The following SLC39A11 variants were observed in gnomAD, a reference collection of about 807,000 sequenced individuals.
SLC39A11 encodes the protein solute carrier family 39 member 11, also known as zinc transporter ZIP11.
In SLC39A11, 33 loss-of-function variants were observed where a neutral mutation model predicts 36.1. The ratio of observed to expected loss-of-function variants is 0.91; its 90% confidence interval spans 0.69 to 1.22. SLC39A11 has a LOEUF of 1.22. SLC39A11 is among the 50% of genes most tolerant of loss of function. The pLI, the probability that SLC39A11 is intolerant of heterozygous loss-of-function variation, is 0.00. For missense variants in SLC39A11, 432 were observed against 430.3 expected (o/e 1.00, Z -0.03); for synonymous variants, 166 against 170.3 (o/e 0.97, Z 0.20).
In SLC39A11 at chr17:72,883,709, G is replaced by C. The variant is rs533688942; in HGVS notation, c.431-33905C>G. Among the ~76,000 whole-genome samples the C allele has an allele frequency of 1.2e-3, 180 of 152,286 alleles. 1 individual carries two copies. Among genetic ancestry groups the C allele is most frequent in the African/African-American group, 4.1e-3 (171 of 41,554 alleles). On this transcript the variant is annotated intron_variant, in intron 5 of 9. Coordinates refer to ENST00000255559, the MANE Select transcript of SLC39A11 (RefSeq NM_139177.4). ...ATTCTTGTCTCATCAAAAAGACTTG[G>C]TCCAGGGGAAAGCCATGAAGATGGC...
intron 4 of SLC39A11, among the ~76,000 whole-genome samples, chr17:72,975,508 G>A (rs9914200): frequency 0.81 from 123,069 of 152,072 alleles, 51,704 homozygotes; most frequent in Non-Finnish European, 0.92. Context: ...CACCCCTTCC[G>A]CCATGTAAGG....
rs529382743 is a variant in SLC39A11 at position 72,742,890 on chromosome 17, A to C, written c.602-6171T>G. Among the ~76,000 whole-genome samples, 214 of 152,350 alleles carry C rather than the reference A, an allele frequency of 1.4e-3. 1 individual carries two copies. Among genetic ancestry groups the C allele is most frequent in the Non-Finnish European group, 2.2e-3 (149 of 68,036 alleles). On this transcript the variant is annotated intron_variant, in intron 6 of 9. Transcript: ENST00000255559. The stretch of plus-strand genomic sequence containing the variant: ...TCATCATTAGGAGAGAATTTATTTT[A>C]AAAGTGTCATCTTAAACCGCAAGGA...
intron 7 of SLC39A11, among the ~76,000 whole-genome samples, chr17:72,659,883 G>C (rs535556982): frequency 2.0e-5 from 3 of 152,034 alleles, no homozygotes; most frequent in African/African-American, 7.2e-5. Context: ...TTACAGGCTT[G>C]AGCCACCATG....
intron 4 of SLC39A11, among the ~76,000 whole-genome samples, chr17:72,952,921 C>G (rs1328441890): frequency 6.6e-6 from 1 of 152,202 alleles, no homozygotes; most frequent in Non-Finnish European, 1.5e-5. Context: ...CTCTGGGGCT[C>G]TGAATAGTTC....
intron 6 of SLC39A11, chr17:72,819,042 G>C (rs1335328524): frequency 6.6e-6 from 1 of 152,114 alleles, no homozygotes; most frequent in South Asian, 2.1e-4. Flanking sequence ...CTGGATGGAG[G>C]GGTGTCATAA....
intron 4 of SLC39A11, among the ~76,000 whole-genome samples, chr17:73,026,179 A>AAGAG (rs2058534006): frequency 5.7e-5 from 1 of 17,650 alleles, no homozygotes; most frequent in East Asian, 5.3e-3. Context: ...AGGAGAGGAG[A>AAGAG]AAGAGAAGAG....
At chr17:72,908,151 C>A (rs1170235687) in intron 5 of SLC39A11, among the ~76,000 whole-genome samples, 1 of 152,212 alleles carries the variant, frequency 6.6e-6, no homozygotes, top group Non-Finnish European at 1.5e-5. Flanking sequence ...CTTCAGTGGC[C>A]GTCCTCACTG....
chr17:72,931,331 C>T (rs961612352), intron 5 of SLC39A11, among the ~76,000 whole-genome samples: 1 of 152,160 alleles, frequency 6.6e-6, no homozygotes, highest in African/African-American at 2.4e-5. Context: ...AAAAGGTTAC[C>T]ATGGCAACAC....
intron 7 of SLC39A11, among the ~76,000 whole-genome samples, chr17:72,668,883 G>A (rs981360113): frequency 6.6e-6 from 1 of 152,226 alleles, no homozygotes; most frequent in African/African-American, 2.4e-5. Flanking sequence ...CTTCAAAAAT[G>A]TCAGTGTCAT....
rs79506735 is a variant in SLC39A11 at position 73,033,127 on chromosome 17, G to A, written c.148-1413C>T. ...CCGTGGCATGTACAGTTCACAATAG[G>A]GTTCACGTTCCTATGAGAATCTAAT... On this transcript the variant is annotated intron_variant, in intron 3 of 9. Transcript: ENST00000255559. 7.5e-3 allele frequency among the ~76,000 whole-genome samples: 1,143 copies of A among 152,252 alleles called. 40 individuals carry two copies. Among genetic ancestry groups the A allele is most frequent in the East Asian group, 0.031 (161 of 5,172 alleles).
intron 5 of SLC39A11, among the ~76,000 whole-genome samples, chr17:72,869,504 C>G (rs1166187945): frequency 2.0e-5 from 3 of 152,218 alleles, no homozygotes; most frequent in African/African-American, 7.2e-5. Context: ...ATTCTCCTGT[C>G]TCAGCCTCCC....
chr17:72,937,604 C>G (rs1477643966), intron 5 of SLC39A11, among the ~76,000 whole-genome samples: 1 of 152,238 alleles, frequency 6.6e-6, no homozygotes, highest in African/African-American at 2.4e-5. Context: ...GTGGGACCCA[C>G]TTATATGATT....
At chr17:72,662,330 AAGAG>A (rs2070465209) in intron 7 of SLC39A11, among the ~76,000 whole-genome samples, 1 of 151,348 alleles carries the variant, frequency 6.6e-6, no homozygotes, top group East Asian at 1.9e-4. Flanking sequence ...GAAAGAAAGA[AAGAG>A]AGAGGGAGAG....
At chr17:72,905,258 G>A (rs886404195) in intron 5 of SLC39A11, among the ~76,000 whole-genome samples, 2 of 147,842 alleles carry the variant, frequency 1.4e-5, no homozygotes, top group African/African-American at 5.0e-5. Flanking sequence ...AGTGCTTTGT[G>A]GCTGGATGGA....
intron 4 of SLC39A11, among the ~76,000 whole-genome samples, chr17:73,026,342 C>G (rs1008113838): frequency 2.6e-5 from 4 of 151,254 alleles, no homozygotes; most frequent in Non-Finnish European, 4.4e-5. Context: ...ATGGTGAAAC[C>G]CCATCTCTAC....
chr17:72,794,052 GC>G, intron 6 of SLC39A11, among the ~76,000 whole-genome samples: 1 of 152,298 alleles, frequency 6.6e-6, no homozygotes, highest in African/African-American at 2.4e-5. Flanking sequence ...GCCATTGTTA[GC>G]ATCAGGCTCT....
At chr17:73,038,367 G>C (rs2143357735) in intron 3 of SLC39A11, among the ~76,000 whole-genome samples, 1 of 152,106 alleles carries the variant, frequency 6.6e-6, no homozygotes, top group Non-Finnish European at 1.5e-5. Flanking sequence ...AAGTCTCAAT[G>C]CTGAACAAAG....
chr17:72,681,831 T>C (rs1216807639), intron 7 of SLC39A11, among the ~76,000 whole-genome samples: 2 of 152,230 alleles, frequency 1.3e-5, no homozygotes, highest in African/African-American at 4.8e-5. Flanking sequence ...ATTTTCTTAA[T>C]AATATTTTCT....
intron 5 of SLC39A11, among the ~76,000 whole-genome samples, chr17:72,882,060 C>T (rs532888303): frequency 1.3e-5 from 2 of 152,188 alleles, no homozygotes; most frequent in African/African-American, 2.4e-5. Context: ...AAAACAGATG[C>T]TCTTTCGGCC....
Sources: allele counts gnomAD v4.1 joint callset (sites outside exome capture counted in the v4.1 genomes callset), GRCh38; gene constraint gnomAD v4.1.1; transcripts MANE v1.5; gene names NCBI Gene and HGNC (gene_info 2026-07-23, HGNC 2026-07-21).